TCF4: variants seen among roughly 807,000 people sequenced by gnomAD.
TCF4 encodes SL3-3 enhancer factor 2.
TCF4 carries 3 observed loss-of-function variants against 82.1 expected under a neutral mutation model. That is an observed-to-expected ratio of 0.04 (90% CI 0.02 to 0.09). The LOEUF (loss-of-function observed/expected upper bound fraction) is 0.09. Among genes scored for constraint, TCF4 ranks in the 10% least tolerant of loss-of-function variants. The probability of loss-of-function intolerance (pLI) is 1.00; values close to 1 mark genes in which losing one functional copy is unlikely to be tolerated. For synonymous variants in TCF4, 276 were observed against 309.6 expected (o/e 0.89, Z 1.14); for missense variants, 518 against 852.7 (o/e 0.61, Z 4.89).
intron 8 of TCF4, among the ~76,000 whole-genome samples, chr18:55,329,520 A>G (rs768683922): frequency 4.6e-5 from 7 of 152,230 alleles, no homozygotes; most frequent in Non-Finnish European, 2.9e-5. Flanking sequence ...AATAACAGTG[A>G]AAGAAATTCA....
intron 3 of TCF4, among the ~76,000 whole-genome samples, chr18:55,519,302 C>T (rs915958309): frequency 5.9e-5 from 9 of 151,910 alleles, no homozygotes; most frequent in African/African-American, 2.2e-4. Flanking sequence ...TGCATGGTGG[C>T]CCACACCTGT....
At chr18:55,589,596 TATA>T (rs544960254), upstream of TCF4, 189 of 1,044,658 alleles carry the variant, frequency 1.8e-4, no homozygotes, top group Non-Finnish European at 2.1e-4. Flanking sequence ...ACAGGATAGT[TATA>T]ATTTTTCCTC....
chr18:55,328,344 C>T (rs1405774142), intron 8 of TCF4, among the ~76,000 whole-genome samples: 2 of 151,476 alleles, frequency 1.3e-5, no homozygotes, highest in African/African-American at 2.4e-5. Flanking sequence ...TTCCCCAGGC[C>T]GTCAATCTTT....
At chr18:55,362,423 AAGGAAGGAAGG>A (rs1215883032) in intron 6 of TCF4, among the ~76,000 whole-genome samples, 4 of 139,522 alleles carry the variant, frequency 2.9e-5, no homozygotes, top group African/African-American at 1.1e-4. Context: ...GGAAGGAAGG[AAGGAAGGAAGG>A]AAAAAAAAAA....
intron 5 of TCF4, among the ~76,000 whole-genome samples, chr18:55,445,249 T>C (rs903288224): frequency 1.3e-5 from 2 of 152,176 alleles, no homozygotes; most frequent in African/African-American, 2.4e-5. Context: ...GGGGCCAGGA[T>C]TGTATTCCAG....
chr18:55,519,447 A>C (rs1213273679), intron 3 of TCF4, among the ~76,000 whole-genome samples: 1 of 151,956 alleles, frequency 6.6e-6, no homozygotes, highest in Non-Finnish European at 1.5e-5. Flanking sequence ...AAAAGAAAAA[A>C]AAAAAAAAAG....
intron 3 of TCF4, among the ~76,000 whole-genome samples, chr18:55,565,296 G>C (rs2097394601): frequency 6.7e-6 from 1 of 148,974 alleles, no homozygotes. Context: ...AACAACCAAT[G>C]TTCAACATTA....
chr18:55,251,834 G>GT (rs1240986215), intron 15 of TCF4, among the ~76,000 whole-genome samples: 1 of 150,262 alleles, frequency 6.7e-6, no homozygotes, highest in East Asian at 2.0e-4. Flanking sequence ...GCTGGCCAAA[G>GT]TTTTATAGCC....
intron 8 of TCF4, among the ~76,000 whole-genome samples, chr18:55,304,329 C>A (rs924154761): frequency 6.6e-6 from 1 of 152,120 alleles, no homozygotes; most frequent in East Asian, 1.9e-4. Context: ...GAGAGTAAGA[C>A]AAATAAGCCT....
chr18:55,241,771 G>A (rs1437419968), intron 15 of TCF4, among the ~76,000 whole-genome samples: 1 of 152,180 alleles, frequency 6.6e-6, no homozygotes, highest in African/African-American at 2.4e-5. Flanking sequence ...TCACCTAAAC[G>A]AATGAACCAT....
intron 8 of TCF4, among the ~76,000 whole-genome samples, chr18:55,342,749 C>T (rs867343376): frequency 1.3e-5 from 2 of 152,068 alleles, no homozygotes; most frequent in African/African-American, 2.4e-5. Context: ...ACTTCAAGTT[C>T]GTTTCATAAA....
intron 3 of TCF4, among the ~76,000 whole-genome samples, chr18:55,545,127 G>A (rs2097195004): frequency 6.6e-6 from 1 of 152,186 alleles, no homozygotes; most frequent in African/African-American, 2.4e-5. Flanking sequence ...CCTAACCTAT[G>A]TATGCATCAG....
chr18:55,538,024 GCGCACA>G (rs1239015633), intron 3 of TCF4, among the ~76,000 whole-genome samples: 96 of 125,690 alleles, frequency 7.6e-4, no homozygotes, highest in Middle Eastern at 3.9e-3. Context: ...GTCTGCGCGC[GCGCACA>G]CACACACACA....
chr18:55,462,605 T>G (rs1825114175), intron 4 of TCF4, among the ~76,000 whole-genome samples: 1 of 152,208 alleles, frequency 6.6e-6, no homozygotes, highest in Admixed American at 6.5e-5. Flanking sequence ...GTTTTAATCC[T>G]AAATTAAGAT....
At position 55,530,784 on chromosome 18, in the gene TCF4, A is replaced by C. The variant is rs373379372; in HGVS notation, c.145+54496T>G. On this transcript the variant is annotated intron_variant, in intron 3 of 19. Coordinates refer to ENST00000354452, the MANE Select transcript of TCF4 (RefSeq NM_001083962.2). Reference sequence around the variant, plus strand: ...GCAAACATTTCTGACAGAAGTGTGAAGAAATTATAACTAATAAAAACTACA... The same window carrying C: ...GCAAACATTTCTGACAGAAGTGTGACGAAATTATAACTAATAAAAACTACA... Among the ~76,000 whole-genome samples the C allele has an allele frequency of 2.3e-4, 35 of 152,328 alleles. No individual in the cohort carries two copies. The East Asian group carries it at 4.0e-3, about 18-fold the overall frequency.
intron 5 of TCF4, among the ~76,000 whole-genome samples, chr18:55,449,865 G>A (rs1048150639): frequency 2.0e-5 from 3 of 151,888 alleles, no homozygotes; most frequent in African/African-American, 4.8e-5. Flanking sequence ...ACGAGGGGGT[G>A]GCATTTAATT....
chr18:55,528,428 G>T (rs552066692), intron 3 of TCF4, among the ~76,000 whole-genome samples: 4 of 152,286 alleles, frequency 2.6e-5, no homozygotes, highest in Admixed American at 6.5e-5. Flanking sequence ...CTGTGGATAT[G>T]TACAGCCTTA....
At chr18:55,401,113 G>C in intron 6 of TCF4, 1 of 1,288,736 alleles carries the variant, frequency 7.8e-7, no homozygotes, top group South Asian at 1.2e-5. Flanking sequence ...TTGTAGACAG[G>C]GATTCAAATA....
rs1260266815 is a variant in TCF4, at chr18:55,555,500, A to C, written c.145+29780T>G. Among the ~76,000 whole-genome samples the C allele has an allele frequency of 3.9e-5, 6 of 152,236 alleles. No homozygotes were observed. The East Asian group carries it at 1.2e-3, about 29-fold the overall frequency. ...TTTTAGATCTAATAGAAAAATATTT[A>C]GGGTGAATAGTTGATCTGATAGTAC... On this transcript the variant is annotated intron_variant, in intron 3 of 19. Coordinates refer to ENST00000354452, the MANE Select transcript of TCF4 (RefSeq NM_001083962.2).
Sources: gnomAD v4.1 joint callset for allele counts (sites outside exome capture counted in the v4.1 genomes callset) on GRCh38, gnomAD v4.1.1 for gene constraint, MANE v1.5 for transcripts, NCBI Gene and HGNC (gene_info 2026-07-23, HGNC 2026-07-21) for gene names.